Variants in IL1RAPL1 observed in about 807,000 individuals in gnomAD.
IL1RAPL1 encodes interleukin 1 receptor accessory protein like 1.
In IL1RAPL1, 3 loss-of-function variants were observed where a neutral mutation model predicts 48.4. The ratio of observed to expected loss-of-function variants is 0.06; its 90% confidence interval spans 0.03 to 0.16. The LOEUF (loss-of-function observed/expected upper bound fraction) is 0.16, where lower values mean the gene tolerates loss of function less well. Among genes scored for constraint, IL1RAPL1 ranks in the 10% least tolerant of loss-of-function variants. The pLI is 1.00. For synonymous variants in IL1RAPL1, 185 were observed against 187.7 expected (o/e 0.99, Z 0.12); for missense variants, 349 against 530.6 (o/e 0.66, Z 3.36).
intron 2 of IL1RAPL1, among the ~76,000 whole-genome samples, chrX:29,161,983 T>A (rs1929694083): frequency 8.9e-6 from 1 of 111,811 alleles, no homozygotes. Context: ...ATAGACTGGA[T>A]AAAGAAAATG....
chrX:28,683,527 G>A (rs1212925233), intron 1 of IL1RAPL1, among the ~76,000 whole-genome samples: 1 of 111,552 alleles, frequency 9.0e-6, no homozygotes, highest in African/African-American at 3.3e-5. Context: ...CCAGCCCTGT[G>A]GTTATAACCC....
Position 29,292,372 on chromosome X carries a change from G to A in IL1RAPL1, c.362+9155G>A, listed in dbSNP as rs754049325. Among the ~76,000 whole-genome samples, 185 of 110,939 alleles carry A rather than the reference G, an allele frequency of 1.7e-3. 2 individuals are homozygous for A. Among genetic ancestry groups the A allele is most frequent in the Non-Finnish European group, 6.4e-4 (34 of 52,921 alleles). On this transcript the variant is annotated intron_variant, in intron 3 of 10. Coordinates refer to ENST00000378993, the MANE Select transcript of IL1RAPL1 (RefSeq NM_014271.4). ...TCTTTTGACAGAATATACCTTTACT[G>A]TCACCTGGTGGAAATAAAAACTAAT...
chrX:29,914,692 A>AAAAAC (rs1932783958), intron 6 of IL1RAPL1, among the ~76,000 whole-genome samples: 1 of 84,510 alleles, frequency 1.2e-5, no homozygotes, highest in African/African-American at 4.5e-5. Flanking sequence ...CTGGTACAAA[A>AAAAAC]AAAAACAAAA....
chrX:29,890,261 G>A (rs138800816), intron 6 of IL1RAPL1, among the ~76,000 whole-genome samples: 6,252 of 111,627 alleles, frequency 0.056, 171 homozygotes, highest in Middle Eastern at 0.088. Context: ...GGGAAAACTT[G>A]TAACTAAGAG....
At position 29,556,248 on chromosome X, in the gene IL1RAPL1, C is replaced by A. The variant is rs187989349; in HGVS notation, c.704-112182C>A. On this transcript the variant is annotated intron_variant, in intron 5 of 10. Coordinates refer to ENST00000378993, the MANE Select transcript of IL1RAPL1 (RefSeq NM_014271.4). ...TTGATTAAAGCAAGTTAGGAAACTC[C>A]AGTAAGGCTAATTTTCTCTTGAACT... is the stretch of plus-strand genomic sequence containing the variant. 3.8e-3 allele frequency among the ~76,000 whole-genome samples: 428 copies of A among 112,094 alleles called. 2 individuals are homozygous for A. Among genetic ancestry groups the A allele is most frequent in the Non-Finnish European group, 5.9e-3 (311 of 53,149 alleles).
At chrX:29,393,325 G>C (rs1379213447) in intron 3 of IL1RAPL1, among the ~76,000 whole-genome samples, 3 of 111,992 alleles carry the variant, frequency 2.7e-5, no homozygotes, top group Non-Finnish European at 5.6e-5. Flanking sequence ...GTTTCCCCAT[G>C]TTAGCCAGGA....
At chrX:28,812,988 AT>A (rs1271144213) in intron 2 of IL1RAPL1, among the ~76,000 whole-genome samples, 4 of 109,954 alleles carry the variant, frequency 3.6e-5, no homozygotes, top group Non-Finnish European at 3.8e-5. Flanking sequence ...GTCATAGAAG[AT>A]TTTTTTTTCT....
chrX:29,235,807 T>TGTGCTAGG (rs1421270946), intron 2 of IL1RAPL1, among the ~76,000 whole-genome samples: 2 of 112,410 alleles, frequency 1.8e-5, no homozygotes, highest in East Asian at 5.6e-4. Flanking sequence ...AGGAAGTACA[T>TGTGCTAGG]GTGCTAGGCA....
intron 6 of IL1RAPL1, among the ~76,000 whole-genome samples, chrX:29,775,012 G>C (rs1309810839): frequency 8.9e-6 from 1 of 112,069 alleles, no homozygotes; most frequent in Non-Finnish European, 1.9e-5. Context: ...GAATTGCTGA[G>C]TGGGATTTTT....
intron 2 of IL1RAPL1, among the ~76,000 whole-genome samples, chrX:28,897,385 C>T (rs1359370479): frequency 8.9e-6 from 1 of 111,806 alleles, no homozygotes; most frequent in East Asian, 2.8e-4. Flanking sequence ...AGCCCGTGAC[C>T]AGCACGGGAG....
intron 2 of IL1RAPL1, among the ~76,000 whole-genome samples, chrX:28,928,933 G>GT (rs1468930801): frequency 1.8e-5 from 2 of 112,051 alleles, no homozygotes; most frequent in Non-Finnish European, 3.8e-5. Context: ...AAACTGTACT[G>GT]TTTTTTGTTT....
At chrX:29,528,091 T>G (rs1935573522) in intron 5 of IL1RAPL1, among the ~76,000 whole-genome samples, 1 of 112,187 alleles carries the variant, frequency 8.9e-6, no homozygotes, top group Non-Finnish European at 1.9e-5. Context: ...GAGGGGGAAA[T>G]AGAAATATCT....
chrX:28,720,435 G>C (rs903985176), intron 1 of IL1RAPL1, among the ~76,000 whole-genome samples: 2 of 111,679 alleles, frequency 1.8e-5, no homozygotes, highest in Non-Finnish European at 3.8e-5. Flanking sequence ...AAAAAGGTTG[G>C]AATTTAGTAA....
intron 1 of IL1RAPL1, among the ~76,000 whole-genome samples, chrX:28,634,345 G>GTA (rs1172723381): frequency 9.2e-6 from 1 of 108,185 alleles, no homozygotes; most frequent in African/African-American, 3.4e-5. Flanking sequence ...GTGTGTGTGT[G>GTA]TATATGTATA....
chrX:29,038,392 A>G (rs974033662), intron 2 of IL1RAPL1, among the ~76,000 whole-genome samples: 6 of 112,357 alleles, frequency 5.3e-5, no homozygotes, highest in African/African-American at 9.7e-5. Context: ...AGAAAAAACT[A>G]TATATACAGC....
At chrX:29,793,340 T>G (rs376444296) in intron 6 of IL1RAPL1, among the ~76,000 whole-genome samples, 2 of 112,586 alleles carry the variant, frequency 1.8e-5, no homozygotes, top group East Asian at 5.5e-4. Context: ...TTTATTAATA[T>G]TAGGTTAAGC....
chrX:29,632,067 T>G (rs763660717), intron 5 of IL1RAPL1, among the ~76,000 whole-genome samples: 3 of 111,398 alleles, frequency 2.7e-5, no homozygotes, highest in Non-Finnish European at 5.7e-5. Flanking sequence ...AGTTTTAATC[T>G]CTTCCCATTC....
chrX:29,561,560 G>A (rs1055452969), intron 5 of IL1RAPL1, among the ~76,000 whole-genome samples: 3 of 111,698 alleles, frequency 2.7e-5, no homozygotes, highest in African/African-American at 9.8e-5. Context: ...TAGGCCTCTT[G>A]GGCAACATTC....
intron 2 of IL1RAPL1, among the ~76,000 whole-genome samples, chrX:29,272,596 A>C (rs1932059415): frequency 9.0e-6 from 1 of 110,529 alleles, no homozygotes; most frequent in Non-Finnish European, 1.9e-5. Context: ...TCTTTCTTTT[A>C]TTTCAACCTT....
Sources: gnomAD v4.1 joint callset for allele counts (sites outside exome capture counted in the v4.1 genomes callset) on GRCh38, gnomAD v4.1.1 for gene constraint, MANE v1.5 for transcripts, NCBI Gene and HGNC (gene_info 2026-07-23, HGNC 2026-07-21) for gene names.